Variants in SMYD3 observed in about 807,000 individuals in gnomAD.
The protein encoded by SMYD3 is SET and MYND domain containing 3, also known as histone-lysine N-methyltransferase SMYD3.
Under a neutral mutation model 57.7 loss-of-function variants are expected in SMYD3, and 36 were observed. That is an observed-to-expected ratio of 0.62 (90% CI 0.48 to 0.82). The LOEUF is 0.82. Among genes scored for constraint, SMYD3 ranks in the 40% least tolerant of loss-of-function variants. SMYD3 has a pLI of 0.00. For synonymous variants in SMYD3, 211 were observed against 195.0 expected (o/e 1.08, Z -0.68); for missense variants, 515 against 538.8 (o/e 0.96, Z 0.44).
chr1:246,454,467 C>T (rs1256045735), intron 1 of SMYD3, among the ~76,000 whole-genome samples: 1 of 152,096 alleles, frequency 6.6e-6, no homozygotes, highest in Non-Finnish European at 1.5e-5. Context: ...TCTGAGTTCC[C>T]ATATATATTA....
chr1:246,197,679 C>G lies in SMYD3; in HGVS notation c.531+129522G>C, dbSNP rs183311433. ...CCTGTGTGGCATACTGGTACAGACA[C>G]TGGGTAAAATCCAAGGGAATCTGAA... On this transcript the variant is annotated intron_variant, in intron 5 of 11. Transcript: ENST00000490107. Among the ~76,000 whole-genome samples, 11 of 152,188 alleles carry G rather than the reference C, an allele frequency of 7.2e-5. No homozygotes were observed. The East Asian group carries it at 2.1e-3, about 29-fold the overall frequency.
chr1:245,804,849 A>AG (rs2148257739), intron 10 of SMYD3, among the ~76,000 whole-genome samples: 1 of 152,130 alleles, frequency 6.6e-6, no homozygotes, highest in Non-Finnish European at 1.5e-5. Flanking sequence ...TTGGTGTCTC[A>AG]GCCTCTCCAA....
chr1:246,132,365 T>A (rs1485437344), intron 5 of SMYD3, among the ~76,000 whole-genome samples: 1 of 152,098 alleles, frequency 6.6e-6, no homozygotes, highest in Admixed American at 6.6e-5. Flanking sequence ...GGTCAAATAA[T>A]CTTTAACAAG....
chr1:246,444,866 T>A (rs141881242), intron 1 of SMYD3, among the ~76,000 whole-genome samples: 7 of 152,264 alleles, frequency 4.6e-5, no homozygotes, highest in Admixed American at 3.9e-4. Context: ...AACAAGGCAA[T>A]GTGGTAAAAG....
chr1:246,218,429 C>G (rs1267298771), intron 5 of SMYD3, among the ~76,000 whole-genome samples: 2 of 152,092 alleles, frequency 1.3e-5, no homozygotes, highest in Non-Finnish European at 2.9e-5. Flanking sequence ...CGAGACCATC[C>G]TGGCTAACAC....
At chr1:245,752,290 C>CCTAA (rs2045420326) in intron 11 of SMYD3, among the ~76,000 whole-genome samples, 1 of 152,216 alleles carries the variant, frequency 6.6e-6, no homozygotes, top group Non-Finnish European at 1.5e-5. Flanking sequence ...AAAGGCCAGA[C>CCTAA]CTAACCTGCT....
chr1:246,494,925 C>T (rs570398027), intron 1 of SMYD3, among the ~76,000 whole-genome samples: 2 of 152,262 alleles, frequency 1.3e-5, no homozygotes, highest in African/African-American at 2.4e-5. Flanking sequence ...TTGGACTAAT[C>T]CCAGCTGTGG....
chr1:246,501,293 T>C (rs1414189141), intron 1 of SMYD3, among the ~76,000 whole-genome samples: 1 of 152,258 alleles, frequency 6.6e-6, no homozygotes, highest in Non-Finnish European at 1.5e-5. Context: ...TGGGTTATTT[T>C]AGCCAATGTG....
intron 5 of SMYD3, among the ~76,000 whole-genome samples, chr1:246,107,674 CA>C (rs1396433293): frequency 1.3e-5 from 2 of 152,294 alleles, no homozygotes; most frequent in East Asian, 3.9e-4. Flanking sequence ...GGAAACAATA[CA>C]AAAGATTGCT....
At chr1:245,796,137 T>C (rs2047512995) in intron 10 of SMYD3, among the ~76,000 whole-genome samples, 1 of 152,204 alleles carries the variant, frequency 6.6e-6, no homozygotes, top group East Asian at 1.9e-4. Flanking sequence ...TATGGCCCAA[T>C]GTGAAAGACA....
chr1:246,078,174 T>C (rs1045274612), intron 5 of SMYD3, among the ~76,000 whole-genome samples: 7 of 152,126 alleles, frequency 4.6e-5, no homozygotes, highest in Admixed American at 2.0e-4. Flanking sequence ...CTTATTGGGC[T>C]ATTGTTATCC....
chr1:245,985,426 C>T (rs1009377464), intron 5 of SMYD3, among the ~76,000 whole-genome samples: 1 of 152,108 alleles, frequency 6.6e-6, no homozygotes, highest in Non-Finnish European at 1.5e-5. Flanking sequence ...TACCTTGTTC[C>T]TGTTCCCCTT....
intron 5 of SMYD3, among the ~76,000 whole-genome samples, chr1:246,145,156 A>T (rs1441979798): frequency 6.6e-6 from 1 of 152,014 alleles, no homozygotes; most frequent in African/African-American, 2.4e-5. Context: ...CTCCTGAGTT[A>T]CTGAGACTAC....
intron 5 of SMYD3, among the ~76,000 whole-genome samples, chr1:245,953,844 T>C (rs1312609648): frequency 6.6e-6 from 1 of 152,218 alleles, no homozygotes; most frequent in Non-Finnish European, 1.5e-5. Flanking sequence ...TTTTCACAAA[T>C]GAAGCCTGCA....
intron 5 of SMYD3, among the ~76,000 whole-genome samples, chr1:246,284,566 G>A (rs1333521368): frequency 2.6e-5 from 4 of 151,618 alleles, no homozygotes; most frequent in African/African-American, 7.3e-5. Context: ...ACAGGCACCC[G>A]CCACCACACC....
intron 8 of SMYD3, among the ~76,000 whole-genome samples, chr1:245,901,517 TAA>T (rs1032252132): frequency 2.6e-5 from 4 of 152,110 alleles, no homozygotes; most frequent in African/African-American, 9.7e-5. Context: ...TTTCTCAGAG[TAA>T]AAGTTGTTAC....
At chr1:246,232,072 A>C (rs2063415858) in intron 5 of SMYD3, among the ~76,000 whole-genome samples, 2 of 152,216 alleles carry the variant, frequency 1.3e-5, no homozygotes, top group African/African-American at 2.4e-5. Flanking sequence ...TAAAAGCCAT[A>C]GTTTTTAATG....
At chr1:245,754,580 G>A (rs1011335955) in intron 11 of SMYD3, among the ~76,000 whole-genome samples, 3 of 152,160 alleles carry the variant, frequency 2.0e-5, no homozygotes, top group Non-Finnish European at 4.4e-5. Context: ...GGCACAAAAA[G>A]CCCTTTGCAA....
intron 11 of SMYD3, among the ~76,000 whole-genome samples, chr1:245,751,769 G>A (rs2045389845): frequency 1.3e-5 from 2 of 152,208 alleles, no homozygotes; most frequent in Non-Finnish European, 2.9e-5. Flanking sequence ...GAAGGTGGCT[G>A]GAGCTGAGAT....
Sources: gnomAD v4.1 joint callset for allele counts (sites outside exome capture counted in the v4.1 genomes callset) on GRCh38, gnomAD v4.1.1 for gene constraint, MANE v1.5 for transcripts, NCBI Gene and HGNC (gene_info 2026-07-23, HGNC 2026-07-21) for gene names.